Variants in KCNC2 observed in about 807,000 individuals in gnomAD.
KCNC2 encodes voltage-gated potassium channel KCNC2.
Under a neutral mutation model 44.5 loss-of-function variants are expected in KCNC2, and 21 were observed. The observed-to-expected ratio is 0.47, with a 90% confidence interval of 0.33 to 0.68. The LOEUF is 0.68. Among genes scored for constraint, KCNC2 ranks in the 30% least tolerant of loss-of-function variants. The pLI is 0.01. For missense variants in KCNC2, 589 were observed against 826.2 expected, an observed-to-expected ratio of 0.71 and a Z score of 3.52; for synonymous variants, 391 against 339.1, an observed-to-expected ratio of 1.15 and a Z score of -1.68.
intron 2 of KCNC2, among the ~76,000 whole-genome samples, chr12:75,068,130 T>C (rs1311462422): frequency 6.6e-6 from 1 of 152,102 alleles, no homozygotes. Context: ...TAGACCCAGA[T>C]GTGGAAAGCA....
intron 2 of KCNC2, among the ~76,000 whole-genome samples, chr12:75,113,006 C>T (rs945973646): frequency 6.6e-6 from 1 of 151,988 alleles, no homozygotes; most frequent in African/African-American, 2.4e-5. Context: ...CTATGCAAGG[C>T]AAAATAAATG....
At chr12:75,204,668 C>T (rs943418876) in intron 2 of KCNC2, among the ~76,000 whole-genome samples, 3 of 152,086 alleles carry the variant, frequency 2.0e-5, no homozygotes, top group South Asian at 4.1e-4. Flanking sequence ...CGAATTGTGT[C>T]GATGCAAAAT....
At chr12:75,049,495 C>T (rs1395736703) in intron 3 of KCNC2, among the ~76,000 whole-genome samples, 1 of 152,016 alleles carries the variant, frequency 6.6e-6, no homozygotes, top group Non-Finnish European at 1.5e-5. Flanking sequence ...AGACAGTAGA[C>T]AAGAGGTGAC....
In KCNC2 at chr12:75,169,785, A is replaced by G. The variant is rs898329996; in HGVS notation, c.687+37512T>C. ...CTATTAATAAAAGATAAAGTGAATT[A>G]TTTGCAAACAAGCATCTACATCTTT... On this transcript the variant is annotated intron_variant, in intron 2 of 4. Transcript: ENST00000549446. Among the ~76,000 whole-genome samples the G allele has an allele frequency of 2.0e-5, 3 of 151,658 alleles. No individual in the cohort carries two copies. In the South Asian group the frequency reaches 6.2e-4, roughly 31 times the overall value.
At chr12:75,104,256 T>A (rs1173419687) in intron 2 of KCNC2, among the ~76,000 whole-genome samples, 1 of 152,140 alleles carries the variant, frequency 6.6e-6, no homozygotes, top group African/African-American at 2.4e-5. Context: ...ACGGGTGGCA[T>A]CTACATCATG....
chr12:75,123,911 A>G lies in KCNC2; in HGVS notation c.688-72594T>C, dbSNP rs544865193. On this transcript the variant is annotated intron_variant, in intron 2 of 4. Coordinates refer to ENST00000549446, the MANE Select transcript of KCNC2 (RefSeq NM_139137.4). The stretch of plus-strand genomic sequence containing the variant: ...ACCACTTTTGCAACACAGTGCAGCC[A>G]TTCTTCAATCAACACTACGATTTCT... 267 of 152,330 alleles carry G rather than the reference A, an allele frequency of 1.8e-3. 1 individual carries two copies. Among genetic ancestry groups the G allele is most frequent in the African/African-American group, 6.2e-3 (256 of 41,574 alleles). 9.4% of individuals were successfully genotyped at this position (152,330 alleles called of 1,614,324 possible). A position where few individuals can be genotyped will look rare whatever the true frequency, so the allele number is the denominator to read the frequency against.
In KCNC2 at chr12:75,207,657, G is replaced by T. The variant is rs145691120; in HGVS notation, c.327C>A (p.Gly109=). The T allele has an allele frequency of 4.6e-4, 747 of 1,611,134 alleles. 2 individuals carry two copies. The African/African-American group carries it at 8.5e-3, about 18-fold the overall frequency. ...GREFFFDRHP[G]VFAYVLNYYR... Reference sequence around the variant, plus strand: ...AGTAATTGAGCACATAGGCGAAGACGCCCGGGTGCCGGTCGAAGAAGAACT... The same window carrying T: ...AGTAATTGAGCACATAGGCGAAGACTCCCGGGTGCCGGTCGAAGAAGAACT... The change falls in exon 2 of 5, where the codon GGC becomes GGA. Residue 109 remains glycine (G), a synonymous_variant. Transcript: ENST00000549446. The surrounding 1 kb of genome is among the most constrained non-coding windows in gnomAD (Gnocchi z 4.1).
At chr12:75,206,829 T>C (rs2031724437) in intron 2 of KCNC2, among the ~76,000 whole-genome samples, 1 of 152,154 alleles carries the variant, frequency 6.6e-6, no homozygotes, top group South Asian at 2.1e-4. Context: ...TGTCCTCAGA[T>C]TCAACCCCCA....
chr12:75,062,254 C>T (rs1452778143), intron 2 of KCNC2, among the ~76,000 whole-genome samples: 5 of 152,026 alleles, frequency 3.3e-5, no homozygotes, highest in Non-Finnish European at 7.4e-5. Context: ...TTCAACTCAA[C>T]TGATCAGAAA....
chr12:75,144,520 A>T (rs1889877413), intron 2 of KCNC2, among the ~76,000 whole-genome samples: 1 of 152,158 alleles, frequency 6.6e-6, no homozygotes, highest in African/African-American at 2.4e-5. Flanking sequence ...TTAAGGCAGG[A>T]AGATCAATTG....
chr12:75,195,989 T>A (rs1202254680), intron 2 of KCNC2, among the ~76,000 whole-genome samples: 2 of 152,134 alleles, frequency 1.3e-5, no homozygotes, highest in Non-Finnish European at 2.9e-5. Flanking sequence ...CTTCCTTTCC[T>A]GTTGAAACTA....
At chr12:75,057,301 G>A (rs986711164) in intron 2 of KCNC2, among the ~76,000 whole-genome samples, 8 of 151,770 alleles carry the variant, frequency 5.3e-5, no homozygotes, top group Non-Finnish European at 8.8e-5. Context: ...CGAGTTTGTT[G>A]TTCATAGAAC....
intron 2 of KCNC2, among the ~76,000 whole-genome samples, chr12:75,206,362 T>C (rs1408676980): frequency 1.3e-5 from 2 of 152,234 alleles, no homozygotes; most frequent in African/African-American, 4.8e-5. Flanking sequence ...CTTTATTTCC[T>C]TTCAACCAGA....
chr12:75,161,630 C>G (rs909226217), intron 2 of KCNC2, among the ~76,000 whole-genome samples: 4 of 151,724 alleles, frequency 2.6e-5, no homozygotes, highest in African/African-American at 9.7e-5. Flanking sequence ...GGTAAAATTT[C>G]TGGCCCAGTA....
intron 2 of KCNC2, among the ~76,000 whole-genome samples, chr12:75,084,001 G>A (rs1010492700): frequency 2.0e-5 from 3 of 151,786 alleles, no homozygotes; most frequent in East Asian, 1.9e-4. Flanking sequence ...TTCTAAATTG[G>A]ATACATCATC....
Position 75,041,965 on chromosome 12 carries a change from A to ACATAC in KCNC2, c.*1139_*1140insGTATG. 1 of 1,019,342 alleles carries ACATAC rather than the reference A, an allele frequency of 9.8e-7. No individual in the cohort carries two copies. The highest frequency in any genetic ancestry group is 1.2e-6 in the Non-Finnish European group (1 of 852,692). 63.1% of individuals were successfully genotyped at this position (1,019,342 alleles called of 1,614,324 possible). On this transcript the variant is annotated 3_prime_UTR_variant, in exon 5 of 5. Transcript: ENST00000549446. Reference sequence around the variant, plus strand: ...GCATATACAGGAAAGACAGGGAGCTAAGACAGACAAGAACAACATACAGGA... The same window carrying ACATAC: ...GCATATACAGGAAAGACAGGGAGCTACATACAGACAGACAAGAACAACATACAGGA...
At chr12:75,162,691 G>C (rs1346634956) in intron 2 of KCNC2, among the ~76,000 whole-genome samples, 1 of 151,686 alleles carries the variant, frequency 6.6e-6, no homozygotes, top group African/African-American at 2.4e-5. Flanking sequence ...ATTTTGAAGA[G>C]AGAAAACAGA....
Position 75,207,774 on chromosome 12 carries a change from C to A in KCNC2, c.210G>T (p.Leu70=), listed in dbSNP as rs1278047836. 2 of 1,580,602 alleles carry A rather than the reference C, an allele frequency of 1.3e-6. No homozygotes were observed. The highest frequency in any genetic ancestry group is 2.7e-5 in the African/African-American group (2 of 73,522). ...PLSPPPRAPP[L]SPGPGGCFEG... is the part of the protein sequence containing the mutation. ...CGAAGCAGCCGCCTGGCCCGGGGGA[C>A]AGCGGGGGCGCTCTCGGCGGCGGCG... Residue 70 remains leucine, a synonymous_variant, in exon 2 of 5, where the codon CTG becomes CTT. Transcript: ENST00000549446. This position sits in a 1 kb window ranked among gnomAD's most constrained non-coding sequence, Gnocchi z 4.1.
chr12:75,131,039 G>A (rs1395480599), intron 2 of KCNC2, among the ~76,000 whole-genome samples: 1 of 152,052 alleles, frequency 6.6e-6, no homozygotes, highest in African/African-American at 2.4e-5. Flanking sequence ...CCTGAGGCTT[G>A]GGAGTAGTCA....
Sources: allele counts gnomAD v4.1 joint callset (sites outside exome capture counted in the v4.1 genomes callset), GRCh38; gene constraint gnomAD v4.1.1; non-coding constraint Gnocchi (gnomAD v3.1); transcripts MANE v1.5; gene names NCBI Gene and HGNC (gene_info 2026-07-23, HGNC 2026-07-21).